The following RBFOX1 variants were observed in gnomAD, a reference collection of about 807,000 sequenced individuals.
RBFOX1 encodes the protein RNA binding fox-1 homolog 1, also known as RNA binding protein fox-1 homolog 1.
Under a neutral mutation model 57.7 loss-of-function variants are expected in RBFOX1, and 8 were observed. The ratio of observed to expected loss-of-function variants is 0.14; its 90% CI spans 0.08 to 0.25. The LOEUF (loss-of-function observed/expected upper bound fraction) is 0.25, where lower values mean the gene tolerates loss of function less well. Ranked by LOEUF, RBFOX1 falls within the 10% of genes least tolerant of loss-of-function variation. The pLI is 1.00. For synonymous variants in RBFOX1, 326 were observed against 222.4 expected (o/e 1.47, Z -4.15); for missense variants, 611 against 548.5 (o/e 1.11, Z -1.14).
At chr16:5,957,144 T>A (rs2059659421) in intron 4 of RBFOX1, among the ~76,000 whole-genome samples, 1 of 152,214 alleles carries the variant, frequency 6.6e-6, no homozygotes, top group African/African-American at 2.4e-5. Flanking sequence ...GGACCAAATG[T>A]CTACCTGAAC....
At chr16:5,597,970 A>T (rs1480015026) in intron 2 of RBFOX1, among the ~76,000 whole-genome samples, 1 of 152,064 alleles carries the variant, frequency 6.6e-6, no homozygotes, top group East Asian at 1.9e-4. Context: ...ACTTCTTAAT[A>T]CCCTAGTAAG....
At chr16:7,057,829 G>A (rs2052861335) in intron 4 of RBFOX1, among the ~76,000 whole-genome samples, 1 of 152,048 alleles carries the variant, frequency 6.6e-6, no homozygotes, top group Non-Finnish European at 1.5e-5. Context: ...CCAACATGGT[G>A]AAACCCCGTC....
At chr16:6,510,760 A>T (rs1470176078) in intron 2 of RBFOX1, among the ~76,000 whole-genome samples, 1 of 145,436 alleles carries the variant, frequency 6.9e-6, no homozygotes, top group Non-Finnish European at 1.5e-5. Context: ...CCAAACTATT[A>T]AAAAAAAGAC....
chr16:6,246,158 T>C (rs2097567980), intron 1 of RBFOX1, among the ~76,000 whole-genome samples: 1 of 152,154 alleles, frequency 6.6e-6, no homozygotes, highest in Non-Finnish European at 1.5e-5. Flanking sequence ...ATCCTCATCA[T>C]GGTGGCTCAC....
chr16:7,712,159 G>C lies in RBFOX1; in HGVS notation c.*1414G>C, dbSNP rs555216467. On this transcript the variant is annotated 3_prime_UTR_variant, in exon 16 of 16. Coordinates refer to ENST00000550418, the MANE Select transcript of RBFOX1 (RefSeq NM_018723.4). Reference sequence around the variant, plus strand: ...CTGTACTTCTGTTTGAACTTTCCACGTTGTCCTGTTTACAAGTTAACTTAA... The same window carrying C: ...CTGTACTTCTGTTTGAACTTTCCACCTTGTCCTGTTTACAAGTTAACTTAA... 6.5e-6 allele frequency: 1 copy of C among 152,692 alleles called. No individual in the cohort carries two copies. The highest frequency in any genetic ancestry group is 1.5e-5 in the Non-Finnish European group (1 of 68,026). The allele number at this position is 152,692 out of a possible 1,614,324, so 9.5% of individuals were successfully genotyped here. A position where few individuals can be genotyped will look rare whatever the true frequency, so the allele number is the denominator to read the frequency against.
chr16:7,065,327 G>C (rs888528917), intron 4 of RBFOX1, among the ~76,000 whole-genome samples: 1 of 152,000 alleles, frequency 6.6e-6, no homozygotes, highest in Non-Finnish European at 1.5e-5. Flanking sequence ...GCTTTCTTCA[G>C]GTGCACGTCT....
At chr16:6,576,661 A>AG (rs2097442677) in intron 2 of RBFOX1, among the ~76,000 whole-genome samples, 1 of 123,738 alleles carries the variant, frequency 8.1e-6, no homozygotes, top group Admixed American at 7.8e-5. Context: ...TGGCAGGGTG[A>AG]GGGAGGTGGT....
intron 3 of RBFOX1, among the ~76,000 whole-genome samples, chr16:7,042,861 G>A (rs1201787052): frequency 6.6e-6 from 1 of 152,204 alleles, no homozygotes; most frequent in African/African-American, 2.4e-5. Flanking sequence ...GGGAGGTGGA[G>A]GTTTCAGTGA....
intron 5 of RBFOX1, among the ~76,000 whole-genome samples, chr16:7,546,412 G>T (rs942958592): frequency 1.3e-5 from 2 of 152,080 alleles, no homozygotes; most frequent in African/African-American, 4.8e-5. Flanking sequence ...CCTTGTGTCA[G>T]CTGTTGCAGA....
chr16:7,682,094 A>G (rs1481513405), intron 14 of RBFOX1, among the ~76,000 whole-genome samples: 1 of 152,152 alleles, frequency 6.6e-6, no homozygotes, highest in East Asian at 1.9e-4. Context: ...AATAGGCTGT[A>G]TCTATTCTTC....
chr16:5,979,266 C>G (rs763433646), intron 4 of RBFOX1, among the ~76,000 whole-genome samples: 1 of 152,082 alleles, frequency 6.6e-6, no homozygotes, highest in African/African-American at 2.4e-5. Flanking sequence ...ATCTGATGAG[C>G]GTGAGAGGTA....
At chr16:7,321,272 G>A (rs1038594164) in intron 4 of RBFOX1, among the ~76,000 whole-genome samples, 59 of 152,054 alleles carry the variant, frequency 3.9e-4, no homozygotes, top group African/African-American at 1.4e-3. Flanking sequence ...AGCCTCCTAA[G>A]TAGCTGGGAT....
intron 10 of RBFOX1, among the ~76,000 whole-genome samples, 161 bp from the exon 11 acceptor site, chr16:7,630,442 C>G (rs2060766313): frequency 6.6e-6 from 1 of 151,852 alleles, no homozygotes; most frequent in South Asian, 2.1e-4. Context: ...CCATTGATTC[C>G]CTTTGGCTAA....
At chr16:5,925,882 C>G (rs12444659) in intron 4 of RBFOX1, among the ~76,000 whole-genome samples, 74,850 of 151,916 alleles carry the variant, frequency 0.49, 19,488 homozygotes, top group Middle Eastern at 0.64. Context: ...CAGTGTTTCA[C>G]TACCACAAAT....
chr16:7,303,690 G>C (rs901408546), intron 4 of RBFOX1, among the ~76,000 whole-genome samples: 1 of 152,102 alleles, frequency 6.6e-6, no homozygotes, highest in Non-Finnish European at 1.5e-5. Context: ...AACCAACGGA[G>C]TGAGCTTCAG....
chr16:7,211,916 C>A (rs2091219863), intron 4 of RBFOX1, among the ~76,000 whole-genome samples: 1 of 152,120 alleles, frequency 6.6e-6, no homozygotes, highest in African/African-American at 2.4e-5. Flanking sequence ...AAGCCAGCTA[C>A]CCACAGGCGC....
At chr16:5,961,443 T>C (rs1430755333) in intron 4 of RBFOX1, among the ~76,000 whole-genome samples, 1 of 152,120 alleles carries the variant, frequency 6.6e-6, no homozygotes, top group East Asian at 1.9e-4. Flanking sequence ...CTATATTTGT[T>C]TGGCTTATTA....
At chr16:6,936,644 T>G (rs1210687423) in intron 3 of RBFOX1, among the ~76,000 whole-genome samples, 1 of 152,142 alleles carries the variant, frequency 6.6e-6, no homozygotes, top group Non-Finnish European at 1.5e-5. Flanking sequence ...AAGGTAATTA[T>G]GACTATGACC....
At chr16:7,187,694 A>G (rs1169910349) in intron 4 of RBFOX1, among the ~76,000 whole-genome samples, 86 of 10,870 alleles carry the variant, frequency 7.9e-3, no homozygotes, top group African/African-American at 0.03. Context: ...GTCTCACAAA[A>G]AAAAAAAAAA....
Sources: allele counts gnomAD v4.1 joint callset (sites outside exome capture counted in the v4.1 genomes callset), GRCh38; gene constraint gnomAD v4.1.1; transcripts MANE v1.5; gene names NCBI Gene and HGNC (gene_info 2026-07-23, HGNC 2026-07-21).